The following OPCML variants were observed in gnomAD, a reference collection of about 807,000 sequenced individuals.
OPCML encodes the protein opioid-binding protein/cell adhesion molecule.
A neutral mutation model predicts 37.8 loss-of-function variants in OPCML; 13 were observed. The observed-to-expected ratio is 0.34, with a 90% CI of 0.22 to 0.55. The LOEUF (loss-of-function observed/expected upper bound fraction) is 0.55, where lower values mean the gene tolerates loss of function less well. OPCML is among the 20% of genes least tolerant of loss of function. OPCML has a pLI of 0.91. For missense variants in OPCML, 341 were observed against 435.6 expected (o/e 0.78, Z 1.93); for synonymous variants, 176 against 168.8 (o/e 1.04, Z -0.33).
At chr11:132,567,728 G>A (rs868780616) in intron 3 of OPCML, among the ~76,000 whole-genome samples, 20 of 152,136 alleles carry the variant, frequency 1.3e-4, no homozygotes, top group Middle Eastern at 6.3e-3. Flanking sequence ...TTTAATGTTC[G>A]ATTCAGAGGT....
intron 1 of OPCML, among the ~76,000 whole-genome samples, chr11:133,392,293 C>T (rs929475903): frequency 2.6e-5 from 4 of 151,666 alleles, no homozygotes; most frequent in Non-Finnish European, 4.4e-5. Context: ...GAGAAGCATC[C>T]GAGCCACTAA....
chr11:132,502,485 A>T (rs1297513164), intron 4 of OPCML, among the ~76,000 whole-genome samples: 1 of 152,050 alleles, frequency 6.6e-6, no homozygotes, highest in Non-Finnish European at 1.5e-5. Flanking sequence ...CCTTCTCTTA[A>T]GCTCCTGCTC....
chr11:132,668,069 G>T (rs747639555), intron 2 of OPCML, among the ~76,000 whole-genome samples: 8 of 152,130 alleles, frequency 5.3e-5, no homozygotes, highest in Admixed American at 2.6e-4. Context: ...CAGAGAATGT[G>T]GTAGGCTCAA....
chr11:132,969,336 T>C (rs1034295423), intron 1 of OPCML, among the ~76,000 whole-genome samples: 1 of 152,252 alleles, frequency 6.6e-6, no homozygotes, highest in Non-Finnish European at 1.5e-5. Flanking sequence ...GTTAGTTTTC[T>C]CTTGCTGCTT....
chr11:133,381,824 C>G (rs1285905012), intron 1 of OPCML, among the ~76,000 whole-genome samples: 1 of 152,224 alleles, frequency 6.6e-6, no homozygotes, highest in African/African-American at 2.4e-5. Context: ...ACATTCATAG[C>G]AGGGCACTTT....
At chr11:133,231,304 T>C (rs1195242846) in intron 1 of OPCML, among the ~76,000 whole-genome samples, 2 of 152,124 alleles carry the variant, frequency 1.3e-5, no homozygotes, top group Non-Finnish European at 2.9e-5. Context: ...TGTAGCAGCA[T>C]GGGGAAAAGA....
intron 2 of OPCML, among the ~76,000 whole-genome samples, chr11:132,837,969 TA>T (rs1941114601): frequency 6.6e-6 from 1 of 152,266 alleles, no homozygotes; most frequent in African/African-American, 2.4e-5. Context: ...CATCCTAGTT[TA>T]ATTTCCTTTA....
At chr11:132,655,252 C>T (rs1470495272) in intron 3 of OPCML, among the ~76,000 whole-genome samples, 1 of 152,204 alleles carries the variant, frequency 6.6e-6, no homozygotes, top group Non-Finnish European at 1.5e-5. Flanking sequence ...GCTGTCAAGG[C>T]CACAGAGGTG....
At chr11:132,856,574 G>A (rs559148631) in intron 2 of OPCML, among the ~76,000 whole-genome samples, 10 of 152,246 alleles carry the variant, frequency 6.6e-5, no homozygotes, top group East Asian at 5.8e-4. Context: ...GTAGCTTCCC[G>A]ATAAGCTCTC....
chr11:132,845,393 A>G (rs1395442956), intron 2 of OPCML, among the ~76,000 whole-genome samples: 1 of 152,222 alleles, frequency 6.6e-6, no homozygotes, highest in Non-Finnish European at 1.5e-5. Flanking sequence ...AATATAGAAC[A>G]AAGCACCACA....
chr11:133,140,230 G>A (rs953944805), intron 1 of OPCML, among the ~76,000 whole-genome samples: 1 of 112,172 alleles, frequency 8.9e-6, no homozygotes, highest in Non-Finnish European at 1.9e-5. Context: ...AATACTGATA[G>A]GCTGGACGCG....
intron 1 of OPCML, among the ~76,000 whole-genome samples, chr11:133,136,336 TCAAA>T (rs1459821845): frequency 6.6e-6 from 1 of 151,136 alleles, no homozygotes; most frequent in Non-Finnish European, 1.5e-5. Context: ...AAACCCACCC[TCAAA>T]CAAAGCAGAA....
At chr11:133,190,695 T>A (rs1275808333) in intron 1 of OPCML, among the ~76,000 whole-genome samples, 1 of 152,192 alleles carries the variant, frequency 6.6e-6, no homozygotes, top group East Asian at 1.9e-4. Context: ...TAGAAACAAA[T>A]GACTATTCTG....
In OPCML at chr11:133,116,805, C is replaced by CATACATATATATAT. The variant is rs1280351007; in HGVS notation, c.62-173796_62-173795insATATATATATGTAT. Among the ~76,000 whole-genome samples the CATACATATATATAT allele has an allele frequency of 2.8e-4, 41 of 144,172 alleles. 2 individuals are homozygous for CATACATATATATAT. The highest frequency in any genetic ancestry group is 1.3e-3 in the East Asian group (6 of 4,772). 94.6% of individuals were successfully genotyped at this position (144,172 alleles called of 152,430 possible). The stretch of plus-strand genomic sequence containing the variant: ...TGTGGGAAGATATTTTAAAACTATA[C>CATACATATATATAT]ATATATATATATGTATGTATCTTGT... On this transcript the variant is annotated intron_variant, in intron 1 of 7. Coordinates refer to ENST00000524381, the MANE Select transcript of OPCML (RefSeq NM_001012393.5).
intron 4 of OPCML, among the ~76,000 whole-genome samples, chr11:132,495,460 T>C (rs1437298749): frequency 1.3e-5 from 2 of 152,316 alleles, no homozygotes; most frequent in East Asian, 3.9e-4. Context: ...AATTATAATA[T>C]ATGCCCATCA....
At chr11:132,507,554 G>A (rs1233782733) in intron 4 of OPCML, among the ~76,000 whole-genome samples, 7 of 151,516 alleles carry the variant, frequency 4.6e-5, no homozygotes, top group East Asian at 3.9e-4. Context: ...ATACATTTCC[G>A]AAATTAATTC....
At chr11:133,008,524 G>T in intron 1 of OPCML, 1 of 758,784 alleles carries the variant, frequency 1.3e-6, no homozygotes, top group Non-Finnish European at 1.6e-6. Context: ...TATTCGCTGT[G>T]GAAGGCTCCC....
chr11:133,382,970 G>A (rs1392905349), intron 1 of OPCML, among the ~76,000 whole-genome samples: 1 of 152,204 alleles, frequency 6.6e-6, no homozygotes, highest in Non-Finnish European at 1.5e-5. Context: ...TAATGGCACA[G>A]ACATGTGGAG....
At chr11:133,267,235 G>A (rs150006431) in intron 1 of OPCML, among the ~76,000 whole-genome samples, 74 of 152,220 alleles carry the variant, frequency 4.9e-4, no homozygotes, top group African/African-American at 1.7e-3. Context: ...GTCTCTGAGC[G>A]TCACACTTAG....
Sources: allele counts gnomAD v4.1 joint callset (sites outside exome capture counted in the v4.1 genomes callset), GRCh38; gene constraint gnomAD v4.1.1; transcripts MANE v1.5; gene names NCBI Gene and HGNC (gene_info 2026-07-23, HGNC 2026-07-21).